The following SLC44A1 variants were observed in gnomAD, a reference collection of about 807,000 sequenced individuals.
The protein encoded by SLC44A1 is choline transporter-like protein 1.
In SLC44A1, 26 loss-of-function variants were observed where a neutral mutation model predicts 79.3. That is an observed-to-expected ratio of 0.33 (90% CI 0.24 to 0.46). The LOEUF (loss-of-function observed/expected upper bound fraction) is 0.46, where lower values mean the gene tolerates loss of function less well. Ranked by LOEUF, SLC44A1 falls within the 20% of genes least tolerant of loss-of-function variation. SLC44A1 has a pLI of 1.00. For missense variants in SLC44A1, 688 were observed against 798.1 expected, an observed-to-expected ratio of 0.86 and a Z score of 1.66; for synonymous variants, 263 against 286.2, an observed-to-expected ratio of 0.92 and a Z score of 0.82.
At chr9:105,387,416 G>T (rs1828662333) in intron 15 of SLC44A1, among the ~76,000 whole-genome samples, 1 of 151,972 alleles carries the variant, frequency 6.6e-6, no homozygotes, top group South Asian at 2.1e-4. Flanking sequence ...TTCCCATCAG[G>T]TTCCATGCCT....
At position 105,255,090 on chromosome 9, in the gene SLC44A1, C is replaced by G. The variant is rs1009615059; in HGVS notation, c.36+10186C>G. ...TCTTTTGTTTTAACCTGCTTACTTTCAGGTTTTTTTGTTTTTTTTTTTTTT... is the reference window on the plus strand; with the variant it reads ...TCTTTTGTTTTAACCTGCTTACTTTGAGGTTTTTTTGTTTTTTTTTTTTTT... On this transcript the variant is annotated intron_variant, in intron 1 of 15. Transcript: ENST00000374720. Among the ~76,000 whole-genome samples, 45 of 144,572 alleles carry G rather than the reference C, an allele frequency of 3.1e-4. 1 individual carries two copies. Among genetic ancestry groups the G allele is most frequent in the Admixed American group, 1.9e-3 (28 of 14,764 alleles). The allele number at this position is 144,572 out of a possible 152,430, so 94.8% of individuals were successfully genotyped here.
chr9:105,265,421 C>G (rs1829938642), intron 1 of SLC44A1, among the ~76,000 whole-genome samples: 1 of 152,178 alleles, frequency 6.6e-6, no homozygotes, highest in Admixed American at 6.5e-5. Flanking sequence ...GGCTTCTTTT[C>G]TTCAGTGTAA....
intron 1 of SLC44A1, among the ~76,000 whole-genome samples, chr9:105,264,738 T>A (rs960001350): frequency 6.6e-6 from 1 of 152,198 alleles, no homozygotes; most frequent in African/African-American, 2.4e-5. Flanking sequence ...TGGATACTCT[T>A]CAGGCCTGCT....
intron 5 of SLC44A1, among the ~76,000 whole-genome samples, chr9:105,353,682 A>G (rs937961557): frequency 6.6e-6 from 1 of 152,172 alleles, no homozygotes; most frequent in Non-Finnish European, 1.5e-5. Flanking sequence ...CAGGGCCGAG[A>G]AAAATAGTGG....
intron 3 of SLC44A1, among the ~76,000 whole-genome samples, chr9:105,314,262 A>G (rs1831260158): frequency 6.6e-6 from 1 of 152,130 alleles, no homozygotes; most frequent in Non-Finnish European, 1.5e-5. Context: ...TGCTTCTATC[A>G]AAGATGCTCC....
chr9:105,419,165 T>A (rs1253509033), intron 15 of SLC44A1, among the ~76,000 whole-genome samples: 4 of 152,034 alleles, frequency 2.6e-5, no homozygotes, highest in Non-Finnish European at 4.4e-5. Context: ...TAGAAAAAAA[T>A]GCGAGTTTGC....
chr9:105,438,150 G>A (rs769464476), intron 15 of SLC44A1: 26 of 696,312 alleles, frequency 3.7e-5, no homozygotes, highest in African/African-American at 5.3e-5. Flanking sequence ...GTGTGTGTGT[G>A]TGTAGCCTTC....
chr9:105,269,689 A>T (rs1282173047), intron 1 of SLC44A1, among the ~76,000 whole-genome samples: 3 of 152,120 alleles, frequency 2.0e-5, no homozygotes, highest in African/African-American at 7.2e-5. Flanking sequence ...CCCTTTTAAA[A>T]CCAGGGATGC....
chr9:105,423,088 T>C (rs10121953), intron 15 of SLC44A1, among the ~76,000 whole-genome samples: 13,730 of 152,204 alleles, frequency 0.09, 2,043 homozygotes, highest in African/African-American at 0.31. Context: ...AATCTACTCT[T>C]ATGTTAACAG....
At chr9:105,377,818 T>C (rs1828339789) in intron 13 of SLC44A1, among the ~76,000 whole-genome samples, 1 of 152,168 alleles carries the variant, frequency 6.6e-6, no homozygotes, top group African/African-American at 2.4e-5. Flanking sequence ...TAAAATTGGC[T>C]TTTTTTAGCA....
In SLC44A1 at chr9:105,427,411, G is replaced by C. The variant is rs192419592; in HGVS notation, c.1951-10870G>C. Among the ~76,000 whole-genome samples the C allele has an allele frequency of 2.0e-3, 306 of 152,172 alleles. 3 individuals carry two copies. Among genetic ancestry groups the C allele is most frequent in the African/African-American group, 7.0e-3 (292 of 41,506 alleles). On this transcript the variant is annotated intron_variant, in intron 15 of 15. Transcript: ENST00000374724. The stretch of plus-strand genomic sequence containing the variant: ...AAGGGATTATTAATAATGCTATAAT[G>C]ATCATCTTTGTATAGAAATATGATG...
At chr9:105,315,565 T>C (rs1831300734) in intron 3 of SLC44A1, among the ~76,000 whole-genome samples, 1 of 152,212 alleles carries the variant, frequency 6.6e-6, no homozygotes, top group Non-Finnish European at 1.5e-5. Context: ...TGTACCAATA[T>C]GAAAACTGTG....
rs556714333 is a variant in SLC44A1 at position 105,392,231 on chromosome 9, A to G, written c.*3175A>G. The G allele has an allele frequency of 6.5e-4, 642 of 983,722 alleles. No homozygotes were observed. The highest frequency in any genetic ancestry group is 7.4e-4 in the Non-Finnish European group (609 of 828,390). 60.9% of individuals were successfully genotyped at this position (983,722 alleles called of 1,614,324 possible). A position where few individuals can be genotyped will look rare whatever the true frequency, so the allele number is the denominator to read the frequency against. ...GCTAATGTTTAGGATTAAAGTTTTTATTTTATCCTATAAGATAATTAAGTC... is the reference window on the plus strand; with the variant it reads ...GCTAATGTTTAGGATTAAAGTTTTTGTTTTATCCTATAAGATAATTAAGTC... On this transcript the variant is annotated 3_prime_UTR_variant, in exon 16 of 16. Transcript: ENST00000374720.
intron 4 of SLC44A1, among the ~76,000 whole-genome samples, chr9:105,342,857 C>A (rs1564447946): frequency 6.6e-6 from 1 of 152,016 alleles, no homozygotes; most frequent in Non-Finnish European, 1.5e-5. Context: ...TGAGCACAAT[C>A]TTCCAAGTGT....
intron 13 of SLC44A1, among the ~76,000 whole-genome samples, chr9:105,376,253 T>A (rs1828279502): frequency 6.6e-6 from 1 of 152,032 alleles, no homozygotes; most frequent in South Asian, 2.1e-4. Context: ...TACGTATTTA[T>A]AATTTATCCC....
Position 105,391,312 on chromosome 9 carries a change from T to C in SLC44A1, c.*2256T>C, listed in dbSNP as rs1268609005. On this transcript the variant is annotated 3_prime_UTR_variant, in exon 16 of 16. Coordinates refer to ENST00000374720, the MANE Select transcript of SLC44A1 (RefSeq NM_080546.5). ...TTATCATTTGCAACTAGAACTGTAA[T>C]CAGAAAGAAATTTTGTATTTTTGTA... 2.0e-6 allele frequency: 2 copies of C among 985,718 alleles called. No homozygotes were observed. Among genetic ancestry groups the C allele is most frequent in the African/African-American group, 1.7e-5 (1 of 57,244 alleles). The allele number at this position is 985,718 out of a possible 1,614,324, so 61.1% of individuals were successfully genotyped here. A position where few individuals can be genotyped will look rare whatever the true frequency, so the allele number is the denominator to read the frequency against.
At position 105,393,784 on chromosome 9, in the gene SLC44A1, C is replaced by G; in HGVS notation, c.*4728C>G. 1.0e-6 allele frequency: 1 copy of G among 985,210 alleles called. No individual in the cohort carries two copies. Among genetic ancestry groups the G allele is most frequent in the South Asian group, 4.7e-5 (1 of 21,280 alleles). 61.0% of individuals were successfully genotyped at this position (985,210 alleles called of 1,614,324 possible). On this transcript the variant is annotated 3_prime_UTR_variant, in exon 16 of 16. Transcript: ENST00000374720. ...TTTGTGAAAAACATGTGAGATTGTT[C>G]GAGACCTATTAGGCTATTCTTCAGT...
At chr9:105,254,786 A>G (rs1056907541) in intron 1 of SLC44A1, among the ~76,000 whole-genome samples, 4 of 152,146 alleles carry the variant, frequency 2.6e-5, no homozygotes, top group Non-Finnish European at 5.9e-5. Flanking sequence ...TGAGGTTGGA[A>G]TAATGGTTAA....
chr9:105,258,279 G>A (rs1336859335), intron 1 of SLC44A1, among the ~76,000 whole-genome samples: 6 of 152,142 alleles, frequency 3.9e-5, no homozygotes, highest in Non-Finnish European at 7.4e-5. Context: ...ACCTCCAGGC[G>A]GTATTTTCCA....
Sources: gnomAD v4.1 joint callset for allele counts (sites outside exome capture counted in the v4.1 genomes callset) on GRCh38, gnomAD v4.1.1 for gene constraint, MANE v1.5 for transcripts, NCBI Gene and HGNC (gene_info 2026-07-23, HGNC 2026-07-21) for gene names.